PALLD: variants seen among roughly 807,000 people sequenced by gnomAD.
PALLD encodes palladin.
A neutral mutation model predicts 123.5 loss-of-function variants in PALLD; 61 were observed. That is an observed-to-expected ratio of 0.49 (90% CI 0.40 to 0.61). The LOEUF (loss-of-function observed/expected upper bound fraction) is 0.61, where lower values mean the gene tolerates loss of function less well. Among genes scored for constraint, PALLD ranks in the 20% least tolerant of loss-of-function variants. The probability of loss-of-function intolerance (pLI) is 0.00; values close to 1 mark genes in which losing one functional copy is unlikely to be tolerated. For missense variants in PALLD, 1,273 were observed against 1,377.0 expected (o/e 0.92, Z 1.20); for synonymous variants, 465 against 496.4 (o/e 0.94, Z 0.84).
At chr4:168,871,194 A>G (rs75318983) in intron 10 of PALLD, among the ~76,000 whole-genome samples, 62 of 152,372 alleles carry the variant, frequency 4.1e-4, no homozygotes, top group East Asian at 5.8e-4. Flanking sequence ...AGCATAAGCT[A>G]TGATGGGACT....
At chr4:168,816,567 T>C (rs1267076855) in intron 10 of PALLD, among the ~76,000 whole-genome samples, 2 of 151,884 alleles carry the variant, frequency 1.3e-5, no homozygotes, top group African/African-American at 4.8e-5. Flanking sequence ...GCCTGGAGTT[T>C]TGTTTTTGGG....
At chr4:168,502,338 A>T (rs1001797565) in intron 1 of PALLD, among the ~76,000 whole-genome samples, 1 of 152,206 alleles carries the variant, frequency 6.6e-6, no homozygotes. Flanking sequence ...AAATTTTTTC[A>T]TGAGAAACTT....
intron 2 of PALLD, among the ~76,000 whole-genome samples, chr4:168,567,542 GGTGT>G (rs61409598): frequency 4.2e-4 from 61 of 145,548 alleles, no homozygotes; most frequent in East Asian, 3.8e-3. Context: ...AAGAAAATGT[GGTGT>G]GTGTGTGTGT....
intron 2 of PALLD, among the ~76,000 whole-genome samples, chr4:168,616,999 G>A (rs1376031833): frequency 1.3e-5 from 2 of 152,138 alleles, no homozygotes; most frequent in African/African-American, 2.4e-5. Context: ...TAAGTGCTGT[G>A]AGCAGCTTAA....
intron 10 of PALLD, among the ~76,000 whole-genome samples, chr4:168,715,874 C>CA (rs1785310423): frequency 2.6e-5 from 4 of 151,950 alleles, no homozygotes; most frequent in African/African-American, 9.7e-5. Context: ...GGCGTGAACC[C>CA]GGAGGGCGGA....
At chr4:168,504,103 G>A (rs1039209623) in intron 1 of PALLD, among the ~76,000 whole-genome samples, 6 of 152,014 alleles carry the variant, frequency 3.9e-5, no homozygotes, top group East Asian at 3.9e-4. Context: ...GAATAACTAC[G>A]CCTGCCTCAT....
intron 2 of PALLD, among the ~76,000 whole-genome samples, chr4:168,515,528 G>C (rs1762907906): frequency 1.3e-5 from 2 of 152,206 alleles, no homozygotes; most frequent in South Asian, 4.1e-4. Flanking sequence ...GGTGAGAGCA[G>C]AGACGCTCCT....
intron 2 of PALLD, among the ~76,000 whole-genome samples, chr4:168,615,167 A>AG (rs1177085542): frequency 6.6e-6 from 1 of 151,950 alleles, no homozygotes; most frequent in Non-Finnish European, 1.5e-5. Context: ...AAGTTAAAAA[A>AG]AAAAAAAACT....
intron 12 of PALLD, among the ~76,000 whole-genome samples, chr4:168,896,227 G>A (rs928482584): frequency 1.4e-5 from 2 of 145,102 alleles, no homozygotes; most frequent in African/African-American, 5.0e-5. Flanking sequence ...AAAAAAAAGT[G>A]CATTTAATAC....
At chr4:168,535,130 T>C (rs1764977259) in intron 2 of PALLD, among the ~76,000 whole-genome samples, 1 of 152,314 alleles carries the variant, frequency 6.6e-6, no homozygotes, top group African/African-American at 2.4e-5. Flanking sequence ...TTTATGCAAA[T>C]ACTACATCAT....
chr4:168,526,695 ATTACCCAAGGCTC>A (rs1190277634), intron 2 of PALLD, among the ~76,000 whole-genome samples: 2 of 152,172 alleles, frequency 1.3e-5, no homozygotes, highest in Admixed American at 1.3e-4. Context: ...AGTGTTAGAA[ATTACCCAAGGCTC>A]TTAGCACCTG....
At chr4:168,824,253 T>G (rs1387209949) in intron 10 of PALLD, among the ~76,000 whole-genome samples, 1 of 152,226 alleles carries the variant, frequency 6.6e-6, no homozygotes, top group Non-Finnish European at 1.5e-5. Flanking sequence ...TTTGTCAACT[T>G]TGTCCAGAAA....
intron 2 of PALLD, among the ~76,000 whole-genome samples, chr4:168,601,740 G>C (rs1248704682): frequency 6.6e-6 from 1 of 152,202 alleles, no homozygotes; most frequent in African/African-American, 2.4e-5. Context: ...TGCACAGCTT[G>C]ATTTGGAGAA....
At chr4:168,604,733 T>A (rs916148684) in intron 2 of PALLD, among the ~76,000 whole-genome samples, 2 of 152,218 alleles carry the variant, frequency 1.3e-5, no homozygotes, top group Non-Finnish European at 2.9e-5. Flanking sequence ...AAATGCTCGC[T>A]ACCTAACAAT....
At chr4:168,838,191 G>A (rs1745471324) in intron 10 of PALLD, among the ~76,000 whole-genome samples, 1 of 152,180 alleles carries the variant, frequency 6.6e-6, no homozygotes, top group African/African-American at 2.4e-5. Context: ...CTGGTGAAGG[G>A]CTTGGCCTTT....
intron 4 of PALLD, 55 bp from the exon 5 acceptor site, chr4:168,682,943 A>C: frequency 9.0e-7 from 1 of 1,110,170 alleles, no homozygotes; most frequent in East Asian, 2.4e-5. Context: ...AAAAAAAAAC[A>C]AAAAAACGAA....
chr4:168,536,799 G>A (rs561179984), intron 2 of PALLD, among the ~76,000 whole-genome samples: 1 of 151,352 alleles, frequency 6.6e-6, no homozygotes, highest in South Asian at 2.1e-4. Flanking sequence ...GAGACACAAA[G>A]CCTAACTACA....
chr4:168,746,051 A>C (rs1343930512), intron 10 of PALLD, among the ~76,000 whole-genome samples: 1 of 152,108 alleles, frequency 6.6e-6, no homozygotes, highest in African/African-American at 2.4e-5. Context: ...ATCAGATTTG[A>C]GCTCCACCTT....
rs143354691 is a variant in PALLD at position 168,753,863 on chromosome 4, G to C, written c.1964+41940G>C. ...CAAACTCACGAGAGACACAGAGCCA[G>C]ACCCCCCAGCTAGACCACTGCCAAA... On this transcript the variant is annotated intron_variant, in intron 10 of 21. Coordinates refer to ENST00000505667, the MANE Select transcript of PALLD (RefSeq NM_001166108.2). Among the ~76,000 whole-genome samples, 120 of 152,294 alleles carry C rather than the reference G, an allele frequency of 7.9e-4. 1 individual carries two copies. The East Asian group carries it at 0.019, about 24-fold the overall frequency.
Sources: allele counts gnomAD v4.1 joint callset (sites outside exome capture counted in the v4.1 genomes callset), GRCh38; gene constraint gnomAD v4.1.1; transcripts MANE v1.5; gene names NCBI Gene and HGNC (gene_info 2026-07-23, HGNC 2026-07-21).